CEP128: variants seen among roughly 807,000 people sequenced by gnomAD.
The protein encoded by CEP128 is centrosomal protein 128kDa.
Under a neutral mutation model 156.7 loss-of-function variants are expected in CEP128, and 132 were observed. The observed-to-expected ratio is 0.84, with a 90% CI of 0.73 to 0.97. The LOEUF (loss-of-function observed/expected upper bound fraction) is 0.97. Ranked by LOEUF, CEP128 falls within the 50% of genes least tolerant of loss-of-function variation. CEP128 has a pLI of 0.00. For missense variants in CEP128, 1,252 were observed against 1,281.9 expected (o/e 0.98, Z 0.36); for synonymous variants, 469 against 448.9 (o/e 1.04, Z -0.57).
chr14:80,677,508 C>CAAAAAAAAAAAAAAAA (rs57636757), intron 19 of CEP128, among the ~76,000 whole-genome samples: 59 of 94,046 alleles, frequency 6.3e-4, no homozygotes, highest in African/African-American at 2.1e-3. Context: ...GACTCCGTCT[C>CAAAAAAAAAAAAAAAA]AAAAAAAAAA....
intron 4 of CEP128, among the ~76,000 whole-genome samples, chr14:80,912,257 T>G (rs1363814159): frequency 6.6e-6 from 1 of 152,028 alleles, no homozygotes; most frequent in East Asian, 1.9e-4. Flanking sequence ...TTAGCATTAT[T>G]CAACTCTAGG....
chr14:80,721,987 C>T (rs1216484580), intron 19 of CEP128, among the ~76,000 whole-genome samples: 1 of 152,160 alleles, frequency 6.6e-6, no homozygotes, highest in Non-Finnish European at 1.5e-5. Flanking sequence ...GACAAGGCTA[C>T]TGCTGTCATG....
chr14:80,531,040 G>T, intron 21 of CEP128, 154 bp from the exon 22 acceptor site: 1 of 379,280 alleles, frequency 2.6e-6, no homozygotes, highest in Non-Finnish European at 4.8e-6. Context: ...GTATTTTCAA[G>T]ATAAATGTAT....
chr14:80,774,568 C>T (rs554577687), intron 16 of CEP128, among the ~76,000 whole-genome samples: 2 of 152,056 alleles, frequency 1.3e-5, no homozygotes, highest in South Asian at 2.1e-4. Context: ...CCACCTTATA[C>T]ATGTGTGTAT....
chr14:80,663,950 A>G (rs1306416817), intron 19 of CEP128, among the ~76,000 whole-genome samples: 1 of 152,170 alleles, frequency 6.6e-6, no homozygotes. Context: ...CTCTTACCCT[A>G]AACTGCCCAC....
intron 20 of CEP128, among the ~76,000 whole-genome samples, chr14:80,573,840 C>T (rs1187634670): frequency 6.6e-6 from 1 of 152,206 alleles, no homozygotes; most frequent in Non-Finnish European, 1.5e-5. Flanking sequence ...TGTTAAGTTA[C>T]CTCTGCCTGA....
intron 19 of CEP128, among the ~76,000 whole-genome samples, chr14:80,588,271 C>T (rs968033553): frequency 2.0e-5 from 3 of 152,066 alleles, no homozygotes; most frequent in Admixed American, 6.6e-5. Flanking sequence ...TTACAGAGTA[C>T]AGCTCAATGT....
intron 18 of CEP128, among the ~76,000 whole-genome samples, chr14:80,751,787 G>A (rs979598140): frequency 6.6e-5 from 10 of 151,956 alleles, no homozygotes; most frequent in Admixed American, 3.3e-4. Context: ...CCGCTACCAC[G>A]CCTGGCTAAT....
upstream of CEP128, among the ~76,000 whole-genome samples, chr14:80,941,950 A>G (rs1294423072): frequency 6.8e-6 from 1 of 146,014 alleles, no homozygotes; most frequent in African/African-American, 2.5e-5. Flanking sequence ...GCCCTGCTCT[A>G]TTTTTTTTTT....
At chr14:80,566,811 C>T (rs997020982) in intron 20 of CEP128, among the ~76,000 whole-genome samples, 1 of 147,828 alleles carries the variant, frequency 6.8e-6, no homozygotes, top group Admixed American at 6.8e-5. Context: ...CCTTTTCAAA[C>T]AACCTACTTC....
intron 19 of CEP128, among the ~76,000 whole-genome samples, chr14:80,639,499 T>G (rs537360541): frequency 1.3e-5 from 2 of 152,184 alleles, no homozygotes; most frequent in Non-Finnish European, 1.5e-5. Flanking sequence ...AAACTCATTG[T>G]CTTTACTATA....
intron 8 of CEP128, among the ~76,000 whole-genome samples, chr14:80,872,612 T>G (rs1888083360): frequency 6.6e-6 from 1 of 152,220 alleles, no homozygotes; most frequent in Admixed American, 6.5e-5. Context: ...TCACTTTATG[T>G]ATGTACAATA....
intron 20 of CEP128, among the ~76,000 whole-genome samples, chr14:80,566,765 A>T (rs1357939277): frequency 9.2e-5 from 14 of 152,188 alleles, no homozygotes; most frequent in Admixed American, 8.5e-4. Context: ...ACCTGTAGTC[A>T]ATTTCTGTTC....
At chr14:80,824,951 G>A (rs575479991) in intron 13 of CEP128, among the ~76,000 whole-genome samples, 11 of 152,286 alleles carry the variant, frequency 7.2e-5, no homozygotes, top group African/African-American at 2.4e-4. Flanking sequence ...AAAGAAAGAA[G>A]TTTAATGGAC....
At chr14:80,620,068 T>A (rs924571524) in intron 19 of CEP128, among the ~76,000 whole-genome samples, 1 of 151,098 alleles carries the variant, frequency 6.6e-6, no homozygotes, top group Non-Finnish European at 1.5e-5. Context: ...GAGGTTGCAG[T>A]GAGCCGAGAT....
At chr14:80,794,852 G>GTGAT (rs1883370850) in intron 13 of CEP128, among the ~76,000 whole-genome samples, 1 of 151,998 alleles carries the variant, frequency 6.6e-6, no homozygotes, top group African/African-American at 2.4e-5. Flanking sequence ...CCCATAGGAG[G>GTGAT]TGATGCATAA....
At chr14:80,538,002 T>C (rs1357759854) in intron 21 of CEP128, among the ~76,000 whole-genome samples, 3 of 152,198 alleles carry the variant, frequency 2.0e-5, no homozygotes, top group Non-Finnish European at 2.9e-5. Context: ...TCAATATTAA[T>C]GGTCTTTATT....
chr14:80,710,359 T>G (rs956953946), intron 19 of CEP128, among the ~76,000 whole-genome samples: 4 of 152,098 alleles, frequency 2.6e-5, no homozygotes, highest in African/African-American at 9.7e-5. Flanking sequence ...AAATTCAGAT[T>G]TAACTCTTGA....
At chr14:80,737,100 A>C (rs563714923) in intron 19 of CEP128, among the ~76,000 whole-genome samples, 79 of 152,350 alleles carry the variant, frequency 5.2e-4, no homozygotes, top group African/African-American at 1.8e-3. Flanking sequence ...ATTCTTTCTC[A>C]ATTGGTTGTT....
Sources: allele counts gnomAD v4.1 joint callset (sites outside exome capture counted in the v4.1 genomes callset), GRCh38; gene constraint gnomAD v4.1.1; transcripts MANE v1.5; gene names NCBI Gene and HGNC (gene_info 2026-07-23, HGNC 2026-07-21).